USP40: variants seen among roughly 807,000 people sequenced by gnomAD.
USP40 encodes ubiquitin carboxyl-terminal hydrolase 40.
USP40 carries 143 observed loss-of-function variants against 166.2 expected under a neutral mutation model. That is an observed-to-expected ratio of 0.86 (90% CI 0.75 to 0.99). The LOEUF is 0.99. Among genes scored for constraint, USP40 ranks in the 50% least tolerant of loss-of-function variants. USP40 has a pLI of 0.00. For synonymous variants in USP40, 498 were observed against 524.0 expected, an observed-to-expected ratio of 0.95 and a Z score of 0.68; for missense variants, 1,444 against 1,479.7, an observed-to-expected ratio of 0.98 and a Z score of 0.40.
intron 15 of USP40, 149 bp from the exon 16 acceptor site, chr2:233,523,638 C>T (rs2067815329): frequency 1.3e-6 from 1 of 753,256 alleles, no homozygotes; most frequent in Admixed American, 3.1e-5. Flanking sequence ...ATCAGAGGAA[C>T]AACTTCAGAT....
chr2:233,547,479 C>A (rs952680003), intron 8 of USP40, among the ~76,000 whole-genome samples: 1 of 152,188 alleles, frequency 6.6e-6, no homozygotes, highest in Non-Finnish European at 1.5e-5. Context: ...ACTGCTGGCA[C>A]CACGAGATGC....
In USP40 at chr2:233,540,695, C is replaced by T; in HGVS notation, c.1137G>A (p.Lys379=). The T allele has an allele frequency of 6.2e-7, 1 of 1,612,886 alleles. No individual in the cohort carries two copies. The highest frequency in any genetic ancestry group is 8.5e-7 in the Non-Finnish European group (1 of 1,179,252). ...LLKKIGISWN[K]KYRKQHGPLR... ...GTGGTCCATGCTGTTTTCTGTACTT[C>T]TTGTTCCAAGATATTCCTATCTTTT... The change falls in exon 10 of 32, where the codon AAG becomes AAA. Residue 379 remains lysine (K), a synonymous_variant. Coordinates refer to ENST00000678225, the MANE Select transcript of USP40 (RefSeq NM_001365479.2).
intron 12 of USP40, 69 bp downstream of exon 12, chr2:233,529,362 G>T: frequency 7.9e-7 from 1 of 1,267,004 alleles, no homozygotes; most frequent in Non-Finnish European, 1.1e-6. Context: ...ATTACTGAAT[G>T]CTTAAGGCCT....
intron 31 of USP40, among the ~76,000 whole-genome samples, chr2:233,479,845 A>G (rs2064451671): frequency 6.6e-6 from 1 of 152,096 alleles, no homozygotes; most frequent in Non-Finnish European, 1.5e-5. Flanking sequence ...GCCACGGGAC[A>G]GTGCTGTCCG....
chr2:233,501,561 T>A (rs13405703), intron 21 of USP40, among the ~76,000 whole-genome samples: 3,283 of 152,312 alleles, frequency 0.022, 54 homozygotes, highest in Non-Finnish European at 0.03. Flanking sequence ...ATGAAAAAGA[T>A]GACAGGTTTG....
At chr2:233,550,386 A>G (rs1465992726) in intron 7 of USP40, among the ~76,000 whole-genome samples, 1 of 152,116 alleles carries the variant, frequency 6.6e-6, no homozygotes, top group Non-Finnish European at 1.5e-5. Context: ...TCTTTTATAA[A>G]ACAAGAAACA....
intron 18 of USP40, among the ~76,000 whole-genome samples, chr2:233,513,269 C>G (rs1028049900): frequency 6.6e-6 from 1 of 152,142 alleles, no homozygotes; most frequent in Non-Finnish European, 1.5e-5. Flanking sequence ...CCAGAGGTAG[C>G]TGCTGCTTCT....
In USP40 at chr2:233,477,505, T is replaced by C. The variant is rs2064242994; in HGVS notation, c.3600-2A>G. 1 of 1,612,106 alleles carries C rather than the reference T, an allele frequency of 6.2e-7. No individual in the cohort carries two copies. Among genetic ancestry groups the C allele is most frequent in the Non-Finnish European group, 8.5e-7 (1 of 1,179,198 alleles). On this transcript the variant is annotated splice_acceptor_variant, in intron 31 of 31. Coordinates refer to ENST00000678225, the MANE Select transcript of USP40 (RefSeq NM_001365479.2). LOFTEE classifies it high-confidence loss of function. Reference sequence around the variant, plus strand: ...CTCTGCTCATGGAGGGCTTCTTGGCTGCAGAGACACAGACACTGTCATTGA... The same window carrying C: ...CTCTGCTCATGGAGGGCTTCTTGGCCGCAGAGACACAGACACTGTCATTGA...
chr2:233,530,044 C>T (rs543564667), intron 11 of USP40, among the ~76,000 whole-genome samples: 3 of 151,784 alleles, frequency 2.0e-5, no homozygotes, highest in African/African-American at 7.3e-5. Context: ...AAGTGATCTG[C>T]CCGCCTCAGC....
chr2:233,522,394 CCT>C lies in USP40; in HGVS notation c.2201+774_2201+775del, dbSNP rs375538171. ...CAAGGTAGGGAATGTCTGCAAAACC[CCT>C]GTCCAAAAGAGTAATAGTGGTAAGT... On this transcript the variant is annotated intron_variant, in intron 16 of 31. Transcript: ENST00000678225. 3.5e-4 allele frequency among the ~76,000 whole-genome samples: 53 copies of C among 152,160 alleles called. 1 individual carries two copies. The East Asian group carries it at 9.7e-3, about 28-fold the overall frequency.
chr2:233,499,961 T>C (rs749560692), intron 21 of USP40, 46 bp from the exon 22 acceptor site: 2 of 1,581,868 alleles, frequency 1.3e-6, no homozygotes, highest in Non-Finnish European at 1.7e-6. Flanking sequence ...GTTTCTGAGT[T>C]ACAGTTCTAG....
At chr2:233,549,311 C>T in intron 7 of USP40, 82 bp from the exon 8 acceptor site, 1 of 854,660 alleles carries the variant, frequency 1.2e-6, no homozygotes, top group Non-Finnish European at 1.7e-6. Flanking sequence ...ATTTCAACTA[C>T]TGAAATTAAT....
chr2:233,542,667 A>AAG (rs2069531529), intron 8 of USP40: 1 of 218,418 alleles, frequency 4.6e-6, no homozygotes, highest in African/African-American at 2.3e-5. Flanking sequence ...GACACAGAGC[A>AAG]AGACGTTGTC....
intron 10 of USP40, among the ~76,000 whole-genome samples, chr2:233,537,924 A>G (rs1485662095): frequency 1.3e-5 from 2 of 152,186 alleles, no homozygotes; most frequent in African/African-American, 2.4e-5. Flanking sequence ...AATTTCTTTA[A>G]AAGTCACTAA....
At chr2:233,542,782 T>C (rs964829422) in intron 8 of USP40, among the ~76,000 whole-genome samples, 1 of 152,174 alleles carries the variant, frequency 6.6e-6, no homozygotes, top group Non-Finnish European at 1.5e-5. Flanking sequence ...CAGCTCCTGG[T>C]TGAGCAATCC....
At chr2:233,506,840 G>C (rs1184998678) in intron 21 of USP40, among the ~76,000 whole-genome samples, 1 of 151,888 alleles carries the variant, frequency 6.6e-6, no homozygotes, top group Non-Finnish European at 1.5e-5. Context: ...GAGCCCTGGG[G>C]GTGGAGGTTG....
chr2:233,547,516 T>C (rs2070084254), intron 8 of USP40, among the ~76,000 whole-genome samples: 1 of 152,224 alleles, frequency 6.6e-6, no homozygotes, highest in East Asian at 1.9e-4. Flanking sequence ...GTGGAGCAAG[T>C]ATTCGTCAAC....
At chr2:233,515,609 ATG>A (rs962502911) in intron 18 of USP40, among the ~76,000 whole-genome samples, 12 of 151,776 alleles carry the variant, frequency 7.9e-5, no homozygotes, top group African/African-American at 2.9e-4. Context: ...ATTGTCAAAT[ATG>A]TGTTTCATAA....
At chr2:233,545,628 C>A in intron 8 of USP40, 1 of 156,124 alleles carries the variant, frequency 6.4e-6, no homozygotes, top group East Asian at 1.9e-4. Context: ...GATCATCTTC[C>A]AGGCACACTA....
Sources: allele counts gnomAD v4.1 joint callset (sites outside exome capture counted in the v4.1 genomes callset), GRCh38; gene constraint gnomAD v4.1.1; transcripts MANE v1.5; gene names NCBI Gene and HGNC (gene_info 2026-07-23, HGNC 2026-07-21).